The following CACNA1A variants were observed in gnomAD, a reference collection of about 807,000 sequenced individuals.
CACNA1A encodes voltage-dependent P/Q-type calcium channel subunit alpha-1A.
Under a neutral mutation model 262.4 loss-of-function variants are expected in CACNA1A, and 57 were observed. That is an observed-to-expected ratio of 0.22 (90% CI 0.18 to 0.27). The LOEUF (loss-of-function observed/expected upper bound fraction) is 0.27. Among genes scored for constraint, CACNA1A ranks in the 10% least tolerant of loss-of-function variants. The pLI, the probability that CACNA1A is intolerant of heterozygous loss-of-function variation, is 1.00. For missense variants in CACNA1A, 2,526 were observed against 3,562.8 expected, an observed-to-expected ratio of 0.71 and a Z score of 7.41; for synonymous variants, 1,431 against 1,419.3, an observed-to-expected ratio of 1.01 and a Z score of -0.18.
chr19:13,316,809 CTCTG>C, intron 11 of CACNA1A: 1 of 289,652 alleles, frequency 3.5e-6, no homozygotes, highest in Non-Finnish European at 6.4e-6. Flanking sequence ...CTCCGTCTTT[CTCTG>C]TCTCTCTTCC....
At position 13,286,512 on chromosome 19, in the gene CACNA1A, C is replaced by T. The variant is rs369742607; in HGVS notation, c.3544G>A (p.Val1182Ile). ...GAGCAGAGGGTCTCACCTTGTACGA[C>T]GGTGTGGTTGAGGGGGGGTGGGCAG... is the stretch of plus-strand genomic sequence containing the variant. The part of the protein sequence containing the change: ...PACPPPLNHT[V>I]VQVNKNANPD... Residue 1182 changes from valine (V) to isoleucine (I), a missense_variant, in exon 20 of 47, where the codon GTC (valine) becomes ATC (isoleucine). Val to Ile is a conservative substitution (Grantham distance 29, BLOSUM62 3). Around this residue, in one of 17 missense-constraint regions of CACNA1A, gnomAD observed 765 missense variants for 748.6 expected, o/e 1.02. Coordinates refer to ENST00000360228, the MANE Select transcript of CACNA1A (RefSeq NM_001127222.2). 1.1e-4 allele frequency: 156 copies of T among 1,364,696 alleles called. No individual in the cohort carries two copies. The highest frequency in any genetic ancestry group is 2.3e-4 in the East Asian group (10 of 42,668). The allele number at this position is 1,364,696 out of a possible 1,614,324, so 84.5% of individuals were successfully genotyped here.
chr19:13,313,370 C>T (rs2058069376), intron 11 of CACNA1A, among the ~76,000 whole-genome samples: 1 of 151,952 alleles, frequency 6.6e-6, no homozygotes. Flanking sequence ...TGTGGTGACA[C>T]ATGCCTGTAA....
At chr19:13,356,158 C>A (rs2059004163) in intron 6 of CACNA1A, among the ~76,000 whole-genome samples, 1 of 152,196 alleles carries the variant, frequency 6.6e-6, no homozygotes, top group Admixed American at 6.5e-5. Context: ...CTTCCTCAGG[C>A]ACTGCTGGAG....
chr19:13,484,863 T>C (rs148216232), intron 1 of CACNA1A, among the ~76,000 whole-genome samples: 1,593 of 152,358 alleles, frequency 0.01, 17 homozygotes, highest in Non-Finnish European at 0.017. Flanking sequence ...AGATGTTGTT[T>C]CACATGTTTC....
chr19:13,398,314 C>T (rs908167887), intron 3 of CACNA1A, among the ~76,000 whole-genome samples: 3 of 151,240 alleles, frequency 2.0e-5, no homozygotes, highest in Non-Finnish European at 2.9e-5. Flanking sequence ...TGTGCAAGAA[C>T]GAAATTTTTA....
At chr19:13,268,511 G>A (rs1374752004) in intron 24 of CACNA1A, among the ~76,000 whole-genome samples, 5 of 150,230 alleles carry the variant, frequency 3.3e-5, no homozygotes, top group African/African-American at 9.8e-5. Context: ...TCGGCTCACT[G>A]CAAGCTCCGC....
intron 37 of CACNA1A, chr19:13,226,165 C>G (rs893464467): frequency 6.7e-6 from 1 of 148,616 alleles, no homozygotes; most frequent in African/African-American, 2.5e-5. Flanking sequence ...TGCACAAAGA[C>G]CAGGAGAGGA....
At chr19:13,208,204 G>C (rs1165104231) in intron 46 of CACNA1A, among the ~76,000 whole-genome samples, 151 bp from the exon 47 acceptor site, 1 of 119,650 alleles carries the variant, frequency 8.4e-6, no homozygotes, top group Admixed American at 8.3e-5. Flanking sequence ...GAGGAGGAGA[G>C]GGGGGACACA....
intron 43 of CACNA1A, chr19:13,211,609 G>A (rs113459291): frequency 0.014 from 2,329 of 164,388 alleles, 74 homozygotes; most frequent in African/African-American, 0.053. Context: ...ATGTGTGCAT[G>A]TGTGAGTACA....
intron 3 of CACNA1A, among the ~76,000 whole-genome samples, chr19:13,375,477 T>C (rs551786649): frequency 1.3e-5 from 2 of 152,076 alleles, no homozygotes; most frequent in South Asian, 4.2e-4. Flanking sequence ...TTAAACACAG[T>C]GAGGAAGGCG....
Position 13,473,275 on chromosome 19 carries a change from G to A in CACNA1A, c.294-18063C>T, listed in dbSNP as rs1269926181. Among the ~76,000 whole-genome samples the A allele has an allele frequency of 4.0e-5, 6 of 151,682 alleles. No homozygotes were observed. The East Asian group carries it at 9.7e-4, about 24-fold the overall frequency. ...GACAAAAAAAAAAAAAAGAGAGAGA[G>A]AGAAGAGGAAGAGAAGACACTGACA... On this transcript the variant is annotated intron_variant, in intron 1 of 46. Coordinates refer to ENST00000360228, the MANE Select transcript of CACNA1A (RefSeq NM_001127222.2).
chr19:13,306,589 G>C (rs541360400), intron 15 of CACNA1A: 1 of 152,128 alleles, frequency 6.6e-6, no homozygotes, highest in African/African-American at 2.4e-5. Context: ...GGGACTGCCC[G>C]GTCCAGCACT....
intron 38 of CACNA1A, among the ~76,000 whole-genome samples, chr19:13,216,921 G>A (rs2055034392): frequency 6.6e-6 from 1 of 152,096 alleles, no homozygotes; most frequent in South Asian, 2.1e-4. Flanking sequence ...TGGGGGGCTT[G>A]AAAGAGGATA....
intron 6 of CACNA1A, among the ~76,000 whole-genome samples, chr19:13,348,246 A>G (rs1461092569): frequency 6.6e-6 from 1 of 152,200 alleles, no homozygotes; most frequent in Non-Finnish European, 1.5e-5. Context: ...TATGATCACA[A>G]ATTAAACGCA....
At chr19:13,325,115 C>T (rs2058334117) in intron 10 of CACNA1A, among the ~76,000 whole-genome samples, 1 of 150,382 alleles carries the variant, frequency 6.6e-6, no homozygotes, top group South Asian at 2.2e-4. Flanking sequence ...TCTTCCCCTT[C>T]CCCTTCCCAT....
chr19:13,473,591 T>C (rs1464141047), intron 1 of CACNA1A, among the ~76,000 whole-genome samples: 1 of 152,184 alleles, frequency 6.6e-6, no homozygotes, highest in South Asian at 2.1e-4. Context: ...TCCCAAACAC[T>C]TACCACAATT....
At chr19:13,242,708 TTC>T (rs1467359087) in intron 31 of CACNA1A, among the ~76,000 whole-genome samples, 3 of 152,224 alleles carry the variant, frequency 2.0e-5, no homozygotes, top group Non-Finnish European at 4.4e-5. Context: ...CTCCTTCTCG[TTC>T]TGTCTCCAGC....
At chr19:13,285,691 A>G (rs2057382466) in intron 20 of CACNA1A, among the ~76,000 whole-genome samples, 1 of 152,082 alleles carries the variant, frequency 6.6e-6, no homozygotes, top group African/African-American at 2.4e-5. Flanking sequence ...TGCCCCCATT[A>G]GCACCCCTCT....
intron 29 of CACNA1A, among the ~76,000 whole-genome samples, chr19:13,253,491 G>A (rs949622951): frequency 2.8e-4 from 40 of 144,032 alleles, no homozygotes; most frequent in Admixed American, 1.0e-3. Context: ...TGTCACCCGG[G>A]CTGGAGTGCA....
Sources: allele counts gnomAD v4.1 joint callset (sites outside exome capture counted in the v4.1 genomes callset), GRCh38; gene constraint gnomAD v4.1.1; regional missense constraint gnomAD v4.1.1; transcripts MANE v1.5; gene names NCBI Gene and HGNC (gene_info 2026-07-23, HGNC 2026-07-21).